Variants in LIN28B observed in about 807,000 individuals in gnomAD.
LIN28B encodes the protein protein lin-28 homolog B.
LIN28B carries 5 observed loss-of-function variants against 21.9 expected under a neutral mutation model. The observed-to-expected ratio is 0.23, with a 90% CI of 0.12 to 0.48. The LOEUF is 0.48. Ranked by LOEUF, LIN28B falls within the 20% of genes least tolerant of loss-of-function variation. LIN28B has a pLI of 0.98. For missense variants in LIN28B, 245 were observed against 310.5 expected (o/e 0.79, Z 1.58); for synonymous variants, 109 against 111.3 (o/e 0.98, Z 0.13).
intron 3 of LIN28B, among the ~76,000 whole-genome samples, chr6:105,038,975 T>C (rs547905909): frequency 1.3e-5 from 2 of 152,304 alleles, no homozygotes; most frequent in African/African-American, 4.8e-5. Flanking sequence ...CATAGAGCAA[T>C]TTGGCAATAT....
chr6:105,068,159 A>C (rs1772255119), intron 3 of LIN28B, among the ~76,000 whole-genome samples: 1 of 152,234 alleles, frequency 6.6e-6, no homozygotes, highest in Admixed American at 6.5e-5. Context: ...TAATAAACCT[A>C]TGACAATCCA....
chr6:105,021,577 G>A (rs751916623), intron 2 of LIN28B, among the ~76,000 whole-genome samples: 3 of 152,056 alleles, frequency 2.0e-5, no homozygotes, highest in Non-Finnish European at 4.4e-5. Context: ...TTTCATTGTG[G>A]TTTTCTGATG....
intron 2 of LIN28B, among the ~76,000 whole-genome samples, chr6:104,959,498 T>C (rs1769679811): frequency 6.6e-6 from 1 of 152,230 alleles, no homozygotes; most frequent in African/African-American, 2.4e-5. Context: ...TCTGTTTTGA[T>C]CTGTTGTCCT....
At chr6:104,950,211 G>T (rs370771) in intron 2 of LIN28B, among the ~76,000 whole-genome samples, 71,002 of 151,518 alleles carry the variant, frequency 0.47, 18,357 homozygotes, top group East Asian at 0.69. Context: ...TCTTTTGACT[G>T]CATCTTAATG....
At chr6:105,069,726 A>T (rs1333214063) in intron 3 of LIN28B, among the ~76,000 whole-genome samples, 33 of 151,772 alleles carry the variant, frequency 2.2e-4, no homozygotes, top group Admixed American at 2.2e-3. Context: ...ATCCATTTTG[A>T]TGACACAAGT....
intron 2 of LIN28B, among the ~76,000 whole-genome samples, chr6:104,962,120 C>T (rs943931652): frequency 2.0e-5 from 3 of 152,060 alleles, no homozygotes; most frequent in African/African-American, 7.2e-5. Flanking sequence ...ATTACTCTCT[C>T]CTCAGCTTAT....
intron 3 of LIN28B, among the ~76,000 whole-genome samples, chr6:105,067,465 AC>A (rs1772242092): frequency 6.6e-6 from 1 of 152,182 alleles, no homozygotes; most frequent in Admixed American, 6.5e-5. Flanking sequence ...CTGGCCGAGT[AC>A]CCACTGCATG....
chr6:104,999,439 T>G (rs1770675969), intron 2 of LIN28B, among the ~76,000 whole-genome samples: 1 of 152,198 alleles, frequency 6.6e-6, no homozygotes, highest in African/African-American at 2.4e-5. Context: ...TAACCCAGCC[T>G]GTTTTAATGA....
upstream of LIN28B, among the ~76,000 whole-genome samples, chr6:104,954,004 A>T (rs1778254181): frequency 6.6e-6 from 1 of 152,190 alleles, no homozygotes; most frequent in Non-Finnish European, 1.5e-5. Flanking sequence ...TGTTTTTTAA[A>T]TGGGGATGAT....
chr6:104,967,261 T>C (rs1026984884), intron 2 of LIN28B, among the ~76,000 whole-genome samples: 2 of 152,088 alleles, frequency 1.3e-5, no homozygotes, highest in African/African-American at 4.8e-5. Flanking sequence ...ATTAGGCTTA[T>C]TGATGTTCAT....
intron 2 of LIN28B, among the ~76,000 whole-genome samples, chr6:104,988,173 T>A (rs1424358916): frequency 6.6e-6 from 1 of 152,232 alleles, no homozygotes; most frequent in Non-Finnish European, 1.5e-5. Flanking sequence ...TCATTAAGCA[T>A]GATACTAGCT....
chr6:105,027,798 C>T (rs1184060217), intron 3 of LIN28B, among the ~76,000 whole-genome samples: 1 of 151,912 alleles, frequency 6.6e-6, no homozygotes, highest in Admixed American at 6.6e-5. Context: ...ATCTAATTTG[C>T]TTTTGAAGAA....
intron 3 of LIN28B, among the ~76,000 whole-genome samples, chr6:105,043,871 A>AT (rs1771692396): frequency 6.6e-6 from 1 of 152,252 alleles, no homozygotes; most frequent in South Asian, 2.1e-4. Context: ...AAGTGCTGGG[A>AT]TTACAGGCGT....
intron 3 of LIN28B, among the ~76,000 whole-genome samples, chr6:105,060,393 T>G (rs1459978722): frequency 6.6e-6 from 1 of 151,972 alleles, no homozygotes; most frequent in East Asian, 1.9e-4. Context: ...CCTCCCAAAG[T>G]TGTTGAGATT....
At chr6:105,048,906 T>C (rs1287941119) in intron 3 of LIN28B, among the ~76,000 whole-genome samples, 1 of 152,202 alleles carries the variant, frequency 6.6e-6, no homozygotes, top group Non-Finnish European at 1.5e-5. Flanking sequence ...TTCTTCTCTC[T>C]TTTCTTCTTT....
At chr6:104,949,515 T>G (rs1041644628) in intron 2 of LIN28B, among the ~76,000 whole-genome samples, 12 of 152,340 alleles carry the variant, frequency 7.9e-5, no homozygotes, top group African/African-American at 2.6e-4. Context: ...CATTTCCTTT[T>G]GAGAAGAAAA....
intron 3 of LIN28B, among the ~76,000 whole-genome samples, chr6:105,049,286 T>C (rs1403457302): frequency 1.3e-5 from 2 of 152,220 alleles, no homozygotes; most frequent in East Asian, 3.8e-4. Context: ...GAGCAGGTTA[T>C]TCAGTTTCCA....
upstream of LIN28B, among the ~76,000 whole-genome samples, chr6:104,955,973 TG>T (rs1159372000): frequency 6.6e-6 from 1 of 152,102 alleles, no homozygotes; most frequent in Non-Finnish European, 1.5e-5. Context: ...ATTTTGAAAC[TG>T]GGGGTCAGTT....
chr6:104,991,903 C>T (rs1288501902), intron 2 of LIN28B, among the ~76,000 whole-genome samples: 1 of 151,610 alleles, frequency 6.6e-6, no homozygotes, highest in Non-Finnish European at 1.5e-5. Context: ...CGCAGGCACT[C>T]GCAGGCTGAG....
Sources: gnomAD v4.1 joint callset for allele counts (sites outside exome capture counted in the v4.1 genomes callset) on GRCh38, gnomAD v4.1.1 for gene constraint, MANE v1.5 for transcripts, NCBI Gene and HGNC (gene_info 2026-07-23, HGNC 2026-07-21) for gene names.